The following ERBB4 variants were observed in gnomAD, a reference collection of about 807,000 sequenced individuals.
ERBB4 encodes erb-b2 receptor tyrosine kinase 4, also known as receptor tyrosine-protein kinase erbB-4.
ERBB4 carries 42 observed loss-of-function variants against 158.0 expected under a neutral mutation model. The ratio of observed to expected loss-of-function variants is 0.27; its 90% confidence interval spans 0.21 to 0.34. The LOEUF (loss-of-function observed/expected upper bound fraction) is 0.34, where lower values mean the gene tolerates loss of function less well. ERBB4 is among the 10% of genes least tolerant of loss of function. The pLI, the probability that ERBB4 is intolerant of heterozygous loss-of-function variation, is 1.00. For synonymous variants in ERBB4, 583 were observed against 558.7 expected (o/e 1.04, Z -0.61); for missense variants, 1,333 against 1,624.1 (o/e 0.82, Z 3.08).
At chr2:212,081,152 A>C (rs1173038362) in intron 2 of ERBB4, among the ~76,000 whole-genome samples, 1 of 152,180 alleles carries the variant, frequency 6.6e-6, no homozygotes, top group Non-Finnish European at 1.5e-5. Flanking sequence ...TATGTTAATT[A>C]AGCAAAGGCA....
chr2:211,979,224 C>CTAGTTA (rs2081720990), intron 2 of ERBB4, among the ~76,000 whole-genome samples: 1 of 152,146 alleles, frequency 6.6e-6, no homozygotes, highest in Non-Finnish European at 1.5e-5. Context: ...TTGGGAATTA[C>CTAGTTA]TAGTTATACA....
chr2:212,008,211 G>T (rs1444139774), intron 2 of ERBB4, among the ~76,000 whole-genome samples: 3 of 151,916 alleles, frequency 2.0e-5, no homozygotes, highest in Admixed American at 1.3e-4. Flanking sequence ...GTCTACAGGG[G>T]GGTTTTACAC....
chr2:212,334,908 G>C (rs2088353587), intron 1 of ERBB4, among the ~76,000 whole-genome samples: 1 of 151,990 alleles, frequency 6.6e-6, no homozygotes, highest in East Asian at 1.9e-4. Context: ...TCATTTCAGT[G>C]CTCATATTTC....
Position 211,383,873 on chromosome 2 carries a change from C to T in ERBB4, c.3669G>A (p.Lys1223=), listed in dbSNP as rs2125310648. The T allele has an allele frequency of 6.2e-7, 1 of 1,614,066 alleles. No homozygotes were observed. Among genetic ancestry groups the T allele is most frequent in the Non-Finnish European group, 8.5e-7 (1 of 1,180,012 alleles). Residue 1223 remains lysine (K), a synonymous_variant, in exon 28 of 28, where the codon AAG becomes AAA. Transcript: ENST00000342788. ...ANTLGKAEYL[K]NNILSMPEKA... is the part of the protein sequence containing the mutation. Reference sequence around the variant, plus strand: ...TCTCTGGCATTGACAGTATGTTGTTCTTCAGGTACTCAGCTTTTCCCAAGG... The same window carrying T: ...TCTCTGGCATTGACAGTATGTTGTTTTTCAGGTACTCAGCTTTTCCCAAGG...
chr2:212,095,263 G>C (rs949926870), intron 2 of ERBB4, among the ~76,000 whole-genome samples: 2 of 152,122 alleles, frequency 1.3e-5, no homozygotes, highest in Non-Finnish European at 2.9e-5. Context: ...AACAACTTTT[G>C]TGTGTTATTC....
intron 2 of ERBB4, among the ~76,000 whole-genome samples, chr2:212,124,306 CCTTTT>C (rs1432444818): frequency 1.1e-4 from 16 of 151,818 alleles, no homozygotes; most frequent in Admixed American, 3.3e-4. Context: ...GCTTTTCTTT[CCTTTT>C]CTTTTCTTTT....
intron 20 of ERBB4, among the ~76,000 whole-genome samples, chr2:211,451,355 A>G (rs1457029653): frequency 6.6e-6 from 1 of 152,216 alleles, no homozygotes. Flanking sequence ...TAGTTTGGAC[A>G]GGAAATTGGA....
rs1030857193 is a variant in ERBB4 at position 211,654,417 on chromosome 2, T to A, written c.1946+3337A>T. Among the ~76,000 whole-genome samples, 6 of 152,362 alleles carry A rather than the reference T, an allele frequency of 3.9e-5. No homozygotes were observed. The East Asian group carries it at 1.2e-3, about 29-fold the overall frequency. On this transcript the variant is annotated intron_variant, in intron 16 of 27. Coordinates refer to ENST00000342788, the MANE Select transcript of ERBB4 (RefSeq NM_005235.3). ...GAGTTTCCTAAAAGGAACAATTAAC[T>A]ATTGCTATGAATTATTTTAAATTAT...
At chr2:211,827,799 A>T (rs1384917903) in intron 3 of ERBB4, among the ~76,000 whole-genome samples, 1 of 152,082 alleles carries the variant, frequency 6.6e-6, no homozygotes, top group Non-Finnish European at 1.5e-5. Flanking sequence ...TCATTTGCAC[A>T]TAATATTTAC....
intron 1 of ERBB4, among the ~76,000 whole-genome samples, chr2:212,235,708 G>T (rs753144805): frequency 1.3e-5 from 2 of 152,016 alleles, no homozygotes; most frequent in Admixed American, 6.6e-5. Context: ...GGATTCCTAG[G>T]TATTTTATTC....
intron 1 of ERBB4, among the ~76,000 whole-genome samples, chr2:212,330,700 C>T (rs892523672): frequency 2.6e-5 from 4 of 151,874 alleles, no homozygotes; most frequent in African/African-American, 9.7e-5. Flanking sequence ...ATCAACCCTC[C>T]CCATTCACCA....
chr2:211,859,963 C>T (rs2077970299), intron 3 of ERBB4, among the ~76,000 whole-genome samples: 1 of 152,060 alleles, frequency 6.6e-6, no homozygotes. Flanking sequence ...AATGGTAAAA[C>T]AAAGAAAAAT....
At chr2:211,609,463 CT>C (rs2069110061) in intron 19 of ERBB4, among the ~76,000 whole-genome samples, 1 of 152,294 alleles carries the variant, frequency 6.6e-6, no homozygotes, top group African/African-American at 2.4e-5. Flanking sequence ...TCTGGCTATA[CT>C]TTTTTGAACC....
chr2:212,359,181 T>C (rs1241931510), intron 1 of ERBB4, among the ~76,000 whole-genome samples: 1 of 151,644 alleles, frequency 6.6e-6, no homozygotes, highest in African/African-American at 2.4e-5. Context: ...CTGTGCAATA[T>C]CTTATTAAAT....
rs77457638 is a variant in ERBB4 at position 211,569,021 on chromosome 2, C to A, written c.2302-6933G>T. On this transcript the variant is annotated intron_variant, in intron 19 of 27. Transcript: ENST00000342788. Reference sequence around the variant, plus strand: ...TAATTAGAGAGGCTGAATTAATATGCCTTCAATTTAAATGTGTCCACATTG... The same window carrying A: ...TAATTAGAGAGGCTGAATTAATATGACTTCAATTTAAATGTGTCCACATTG... Among the ~76,000 whole-genome samples, 663 of 152,214 alleles carry A rather than the reference C, an allele frequency of 4.4e-3. 3 individuals are homozygous for A. The highest frequency in any genetic ancestry group is 6.5e-3 in the Non-Finnish European group (442 of 68,010).
chr2:211,788,293 T>G lies in ERBB4; in HGVS notation c.422-134A>C, dbSNP rs1296332773. The G allele has an allele frequency of 4.5e-6, 3 of 668,330 alleles. No individual in the cohort carries two copies. In the African/African-American group the frequency reaches 5.4e-5, roughly 12 times the overall value. 41.4% of individuals were successfully genotyped at this position (668,330 alleles called of 1,614,324 possible). ...ATGTTGCTAATAGCCAAGATATCTTTTAAAATATCTTTCAATGAATCATAT... is the reference window on the plus strand; with the variant it reads ...ATGTTGCTAATAGCCAAGATATCTTGTAAAATATCTTTCAATGAATCATAT... On this transcript the variant is annotated intron_variant, in intron 3 of 27. Transcript: ENST00000342788.
At chr2:211,539,096 T>C (rs2066731109) in intron 20 of ERBB4, among the ~76,000 whole-genome samples, 1 of 151,964 alleles carries the variant, frequency 6.6e-6, no homozygotes, top group Non-Finnish European at 1.5e-5. Context: ...ACCTATAACA[T>C]TTTTTGAAGC....
rs185414877 is a variant in ERBB4 at position 212,068,639 on chromosome 2, G to A, written c.234+56113C>T. ...CCTATGGCTCTGTCTCTCTGTACCT[G>A]CCTTACAAGAAAAGTAGCTTTAAAA... On this transcript the variant is annotated intron_variant, in intron 2 of 27. Transcript: ENST00000342788. 4.6e-5 allele frequency among the ~76,000 whole-genome samples: 7 copies of A among 152,082 alleles called. No homozygotes were observed. In the East Asian group the frequency reaches 1.4e-3, roughly 29 times the overall value.
intron 1 of ERBB4, among the ~76,000 whole-genome samples, chr2:212,260,465 A>G (rs982894126): frequency 6.6e-6 from 1 of 152,214 alleles, no homozygotes; most frequent in African/African-American, 2.4e-5. Flanking sequence ...GCATTAGCTT[A>G]CTTCAGCGTT....
Sources: allele counts gnomAD v4.1 joint callset (sites outside exome capture counted in the v4.1 genomes callset), GRCh38; gene constraint gnomAD v4.1.1; transcripts MANE v1.5; gene names NCBI Gene and HGNC (gene_info 2026-07-23, HGNC 2026-07-21).